Variants in LAPTM4B observed in about 807,000 individuals in gnomAD.
LAPTM4B encodes the protein lysosomal-associated transmembrane protein 4B.
A neutral mutation model predicts 28.5 loss-of-function variants in LAPTM4B; 26 were observed. The observed-to-expected ratio is 0.91, with a 90% CI of 0.67 to 1.27. The LOEUF (loss-of-function observed/expected upper bound fraction) is 1.27. Among genes scored for constraint, LAPTM4B ranks in the 50% most tolerant of loss-of-function variants. The pLI is 0.00. For missense variants in LAPTM4B, 288 were observed against 285.8 expected (o/e 1.01, Z -0.06); for synonymous variants, 109 against 106.4 (o/e 1.02, Z -0.15).
At chr8:97,799,867 T>G (rs1389443368) in intron 1 of LAPTM4B, among the ~76,000 whole-genome samples, 2 of 152,150 alleles carry the variant, frequency 1.3e-5, no homozygotes, top group African/African-American at 4.8e-5. Flanking sequence ...CACATTGAAC[T>G]TGCTGTCTTG....
chr8:97,852,288 C>CT lies in LAPTM4B; in HGVS notation c.*817dup, dbSNP rs144690332. Reference sequence around the variant, plus strand: ...TGGTTCAAGGAGGTCATCCAACTGACTTTATCAAGTGGAATTGGGATATAT... The same window carrying CT: ...TGGTTCAAGGAGGTCATCCAACTGACTTTTATCAAGTGGAATTGGGATATAT... On this transcript the variant is annotated 3_prime_UTR_variant, in exon 7 of 7. Coordinates refer to ENST00000521545, the MANE Select transcript of LAPTM4B (RefSeq NM_018407.6). 0.055 allele frequency: 8,452 copies of CT among 152,300 alleles called. 317 individuals carry two copies. Among genetic ancestry groups the CT allele is most frequent in the Non-Finnish European group, 0.086 (5,836 of 68,044 alleles). The allele number at this position is 152,300 out of a possible 1,614,324, so 9.4% of individuals were successfully genotyped here. A position where few individuals can be genotyped will look rare whatever the true frequency, so the allele number is the denominator to read the frequency against.
intron 6 of LAPTM4B, among the ~76,000 whole-genome samples, chr8:97,845,002 C>T (rs1243814576): frequency 6.6e-6 from 1 of 152,178 alleles, no homozygotes; most frequent in Non-Finnish European, 1.5e-5. Context: ...CTCCCCCATC[C>T]TCCACTTTTT....
At chr8:97,796,066 A>G (rs200148508) in intron 1 of LAPTM4B, among the ~76,000 whole-genome samples, 2 of 149,244 alleles carry the variant, frequency 1.3e-5, no homozygotes, top group East Asian at 2.0e-4. Flanking sequence ...TGGCCCCCCC[A>G]GTAGCTGGGA....
At chr8:97,830,862 C>T (rs1048614918) in intron 6 of LAPTM4B, among the ~76,000 whole-genome samples, 26 of 152,140 alleles carry the variant, frequency 1.7e-4, no homozygotes, top group Non-Finnish European at 5.9e-5. Flanking sequence ...ATTGGCAGCT[C>T]AGCGGATTTC....
At chr8:97,809,610 G>A (rs909189728) in intron 2 of LAPTM4B, among the ~76,000 whole-genome samples, 10 of 152,180 alleles carry the variant, frequency 6.6e-5, no homozygotes, top group Admixed American at 3.9e-4. Context: ...TGAGGTGGGA[G>A]GATCACTTGA....
intron 1 of LAPTM4B, among the ~76,000 whole-genome samples, chr8:97,778,301 T>G (rs1816257990): frequency 6.6e-6 from 1 of 152,064 alleles, no homozygotes; most frequent in Non-Finnish European, 1.5e-5. Flanking sequence ...GTAAGCCTTT[T>G]TCTTTTCTTT....
At position 97,815,421 on chromosome 8, in the gene LAPTM4B, A is replaced by T. The variant is rs1554591428; in HGVS notation, c.285+20A>T. The T allele has an allele frequency of 6.7e-7, 1 of 1,496,800 alleles. No homozygotes were observed. The highest frequency in any genetic ancestry group is 1.1e-5 in the South Asian group (1 of 88,688). The allele number at this position is 1,496,800 out of a possible 1,614,324, so 92.7% of individuals were successfully genotyped here. A position where few individuals can be genotyped will look rare whatever the true frequency, so the allele number is the denominator to read the frequency against. ...TACAAGGTAAGCCGCTTGCAGTAAG[A>T]TGCTGGCCTTTTCCTTGGTCTCTTA... is the stretch of plus-strand genomic sequence containing the variant. On this transcript the variant is annotated intron_variant, in intron 3 of 6. Coordinates refer to ENST00000521545, the MANE Select transcript of LAPTM4B (RefSeq NM_018407.6).
chr8:97,791,367 A>G (rs371108464), intron 1 of LAPTM4B, among the ~76,000 whole-genome samples: 1 of 152,314 alleles, frequency 6.6e-6, no homozygotes, highest in East Asian at 1.9e-4. Flanking sequence ...CATGTCTCCC[A>G]GTAGGTCTTT....
chr8:97,828,594 G>T (rs1015700315), intron 6 of LAPTM4B, among the ~76,000 whole-genome samples: 25 of 152,138 alleles, frequency 1.6e-4, no homozygotes, highest in African/African-American at 5.8e-4. Flanking sequence ...CGTATACAAG[G>T]CCTGATTGAT....
At chr8:97,787,915 A>G (rs1326332851) in intron 1 of LAPTM4B, among the ~76,000 whole-genome samples, 3 of 151,894 alleles carry the variant, frequency 2.0e-5, no homozygotes. Context: ...GCTCACTGCA[A>G]CCTCTTCTCC....
intron 6 of LAPTM4B, among the ~76,000 whole-genome samples, chr8:97,844,409 A>G (rs757887447): frequency 6.6e-6 from 1 of 152,122 alleles, no homozygotes; most frequent in Non-Finnish European, 1.5e-5. Flanking sequence ...TGCTGTTCTA[A>G]TGCTAGAACT....
intron 1 of LAPTM4B, among the ~76,000 whole-genome samples, chr8:97,785,872 A>C (rs534622506): frequency 6.6e-6 from 1 of 152,350 alleles, no homozygotes; most frequent in South Asian, 2.1e-4. Context: ...TCTGGGCCTG[A>C]TAATAAAGAC....
chr8:97,826,506 G>T (rs112185428), intron 6 of LAPTM4B, among the ~76,000 whole-genome samples: 2 of 151,754 alleles, frequency 1.3e-5, no homozygotes, highest in African/African-American at 2.4e-5. Flanking sequence ...CTGAGTTGTT[G>T]GGTATTTTTT....
At position 97,775,951 on chromosome 8, in the gene LAPTM4B, C is replaced by T; in HGVS notation, c.-59C>T. On this transcript the variant is annotated 5_prime_UTR_variant, in exon 1 of 7. Coordinates refer to ENST00000521545, the MANE Select transcript of LAPTM4B (RefSeq NM_018407.6). ...CAGCAGCGGCGCGGCGGGCTCCAGG[C>T]GAGGCGGTCGACGCTCCTGAAAACT... 6.7e-7 allele frequency: 1 copy of T among 1,502,152 alleles called. No homozygotes were observed. Among genetic ancestry groups the T allele is most frequent in the Non-Finnish European group, 8.8e-7 (1 of 1,135,090 alleles). The allele number at this position is 1,502,152 out of a possible 1,614,324, so 93.1% of individuals were successfully genotyped here. A position where few individuals can be genotyped will look rare whatever the true frequency, so the allele number is the denominator to read the frequency against.
intron 1 of LAPTM4B, among the ~76,000 whole-genome samples, chr8:97,781,336 G>T (rs2129718778): frequency 1.6e-5 from 2 of 121,254 alleles, no homozygotes; most frequent in African/African-American, 6.3e-5. Context: ...CCGAAGTGCA[G>T]TGGTGCAATC....
intron 6 of LAPTM4B, among the ~76,000 whole-genome samples, chr8:97,848,315 G>A (rs986868476): frequency 1.3e-5 from 2 of 152,056 alleles, no homozygotes; most frequent in African/African-American, 2.4e-5. Flanking sequence ...ACTTTAAAAC[G>A]AGTTTGAAGA....
chr8:97,820,211 T>C (rs1046392119), intron 5 of LAPTM4B, among the ~76,000 whole-genome samples: 1 of 152,194 alleles, frequency 6.6e-6, no homozygotes, highest in Non-Finnish European at 1.5e-5. Flanking sequence ...ACCATCATTA[T>C]AACTTGTGCT....
chr8:97,838,475 G>C lies in LAPTM4B; in HGVS notation c.604-12922G>C, dbSNP rs183647812. Among the ~76,000 whole-genome samples the C allele has an allele frequency of 2.8e-3, 430 of 152,358 alleles. 2 individuals are homozygous for C. Among genetic ancestry groups the C allele is most frequent in the African/African-American group, 0.01 (416 of 41,582 alleles). On this transcript the variant is annotated intron_variant, in intron 6 of 6. Transcript: ENST00000521545. ...TACATAGATTAACTCAATCACACAAGAGTCCTTCACGTACTAGGTCCTATT... is the reference window on the plus strand; with the variant it reads ...TACATAGATTAACTCAATCACACAACAGTCCTTCACGTACTAGGTCCTATT...
intron 2 of LAPTM4B, among the ~76,000 whole-genome samples, chr8:97,814,573 A>G (rs1253270459): frequency 6.6e-6 from 1 of 152,128 alleles, no homozygotes; most frequent in Admixed American, 6.5e-5. Context: ...AATGAACCAG[A>G]TGATATGGCT....
Sources: gnomAD v4.1 joint callset for allele counts (sites outside exome capture counted in the v4.1 genomes callset) on GRCh38, gnomAD v4.1.1 for gene constraint, MANE v1.5 for transcripts, NCBI Gene and HGNC (gene_info 2026-07-23, HGNC 2026-07-21) for gene names.